Variants in SORCS1 observed in about 807,000 individuals in gnomAD.
The protein encoded by SORCS1 is VPS10 domain-containing receptor SorCS1.
A neutral mutation model predicts 146.1 loss-of-function variants in SORCS1; 60 were observed. That is an observed-to-expected ratio of 0.41 (90% CI 0.33 to 0.51). The LOEUF (loss-of-function observed/expected upper bound fraction) is 0.51. SORCS1 is among the 20% of genes least tolerant of loss of function. The pLI, the probability that SORCS1 is intolerant of heterozygous loss-of-function variation, is 0.21. For missense variants in SORCS1, 1,352 were observed against 1,487.6 expected (o/e 0.91, Z 1.50); for synonymous variants, 637 against 584.0 (o/e 1.09, Z -1.31).
intron 1 of SORCS1, among the ~76,000 whole-genome samples, chr10:107,093,806 T>G (rs1178528823): frequency 6.6e-6 from 1 of 152,156 alleles, no homozygotes; most frequent in East Asian, 1.9e-4. Flanking sequence ...TCTTCCACCA[T>G]GATCTCTCTG....
intron 1 of SORCS1, among the ~76,000 whole-genome samples, chr10:107,002,408 C>T (rs1305262817): frequency 6.6e-6 from 1 of 152,146 alleles, no homozygotes; most frequent in African/African-American, 2.4e-5. Context: ...AAAGCTCCTA[C>T]CTGAGACTAA....
chr10:107,016,063 T>A (rs928490816), intron 1 of SORCS1, among the ~76,000 whole-genome samples: 2 of 152,198 alleles, frequency 1.3e-5, no homozygotes, highest in African/African-American at 4.8e-5. Flanking sequence ...GGTTTAAGAA[T>A]GTCATAAATA....
chr10:106,992,007 CTT>C (rs751414959), intron 1 of SORCS1, among the ~76,000 whole-genome samples: 1 of 152,042 alleles, frequency 6.6e-6, no homozygotes, highest in Non-Finnish European at 1.5e-5. Context: ...TGCAATTAAA[CTT>C]TGCATGTTAT....
intron 1 of SORCS1, among the ~76,000 whole-genome samples, chr10:107,008,407 T>C (rs762415720): frequency 6.6e-6 from 1 of 152,208 alleles, no homozygotes; most frequent in Non-Finnish European, 1.5e-5. Context: ...GTAAATGTTA[T>C]TTAAAAGAGC....
chr10:107,042,902 G>A (rs753292104), intron 1 of SORCS1, among the ~76,000 whole-genome samples: 1 of 152,084 alleles, frequency 6.6e-6, no homozygotes, highest in African/African-American at 2.4e-5. Flanking sequence ...GAGCCTTGCC[G>A]GAAGTGAACT....
intron 2 of SORCS1, among the ~76,000 whole-genome samples, chr10:106,841,863 CA>C (rs1414429996): frequency 6.6e-6 from 1 of 152,138 alleles, no homozygotes; most frequent in Admixed American, 6.6e-5. Flanking sequence ...CAAGTTTCGA[CA>C]ATTATAAATA....
At chr10:107,151,338 G>A (rs961512274) in intron 1 of SORCS1, among the ~76,000 whole-genome samples, 1 of 152,082 alleles carries the variant, frequency 6.6e-6, no homozygotes, top group South Asian at 2.1e-4. Flanking sequence ...TTGCAAACTG[G>A]AGTAAAGGTC....
At chr10:107,084,063 G>A (rs1294162379) in intron 1 of SORCS1, among the ~76,000 whole-genome samples, 1 of 150,778 alleles carries the variant, frequency 6.6e-6, no homozygotes, top group African/African-American at 2.4e-5. Context: ...CACAGTAGGG[G>A]AAAAGGTGGG....
At chr10:106,945,437 G>T (rs1228623644) in intron 2 of SORCS1, among the ~76,000 whole-genome samples, 2 of 152,092 alleles carry the variant, frequency 1.3e-5, no homozygotes, top group African/African-American at 4.8e-5. Flanking sequence ...GACATAAAAG[G>T]ACAATCCAAA....
At chr10:107,059,410 A>G (rs548837447) in intron 1 of SORCS1, among the ~76,000 whole-genome samples, 3 of 152,348 alleles carry the variant, frequency 2.0e-5, no homozygotes, top group Admixed American at 2.0e-4. Flanking sequence ...AGGACCTTGA[A>G]ACAAAAGCAA....
chr10:106,706,765 G>A, intron 7 of SORCS1, 131 bp from the exon 8 acceptor site: 1 of 777,508 alleles, frequency 1.3e-6, no homozygotes, highest in Non-Finnish European at 2.1e-6. Context: ...GCGGACAAGT[G>A]TAAAGAATTG....
chr10:106,856,947 T>TTC (rs1450682538), intron 2 of SORCS1, among the ~76,000 whole-genome samples: 1 of 152,246 alleles, frequency 6.6e-6, no homozygotes, highest in Non-Finnish European at 1.5e-5. Context: ...GAGTTGTTAA[T>TTC]TGTTCAGTTT....
At chr10:107,107,350 G>C (rs1162478654) in intron 1 of SORCS1, among the ~76,000 whole-genome samples, 3 of 152,174 alleles carry the variant, frequency 2.0e-5, no homozygotes, top group Non-Finnish European at 4.4e-5. Flanking sequence ...CAGAAATAAG[G>C]AACATATTAC....
intron 2 of SORCS1, among the ~76,000 whole-genome samples, chr10:106,925,402 C>A (rs1952963941): frequency 6.6e-6 from 1 of 152,154 alleles, no homozygotes; most frequent in African/African-American, 2.4e-5. Flanking sequence ...GCTGTCCCTG[C>A]AGCAGAAACT....
intron 4 of SORCS1, among the ~76,000 whole-genome samples, chr10:106,770,647 C>T (rs1440410806): frequency 6.6e-6 from 1 of 152,106 alleles, no homozygotes. Flanking sequence ...GTCATTGTTA[C>T]ACACATAAAA....
At chr10:106,780,669 G>A (rs924118288) in intron 3 of SORCS1, among the ~76,000 whole-genome samples, 7 of 152,268 alleles carry the variant, frequency 4.6e-5, no homozygotes, top group Non-Finnish European at 8.8e-5. Context: ...TGTTCTACTT[G>A]AGGCAAGGAA....
In SORCS1 at chr10:106,960,604, T is replaced by C. The variant is rs1955178458; in HGVS notation, c.559-4024A>G. Among the ~76,000 whole-genome samples, 1 of 152,062 alleles carries C rather than the reference T, an allele frequency of 6.6e-6. No individual in the cohort carries two copies. The highest frequency in any genetic ancestry group is 1.5e-5 in the Non-Finnish European group (1 of 68,010). ...TTTTAGTAGAGATGGGATTTCACCA[T>C]GTTGAGGAGAATGGTCTCGATCTCT... On this transcript the variant is annotated intron_variant, in intron 1 of 25. Coordinates refer to ENST00000263054, the MANE Select transcript of SORCS1 (RefSeq NM_052918.5). The surrounding 1 kb of genome is among the most constrained non-coding windows in gnomAD (Gnocchi z 4.4).
intron 24 of SORCS1, among the ~76,000 whole-genome samples, chr10:106,590,647 C>T (rs1390799514): frequency 6.6e-6 from 1 of 152,020 alleles, no homozygotes; most frequent in East Asian, 1.9e-4. Flanking sequence ...GACATCATAG[C>T]TGTTTTATGT....
chr10:106,623,646 A>G (rs993091005), intron 19 of SORCS1, among the ~76,000 whole-genome samples: 1 of 151,452 alleles, frequency 6.6e-6, no homozygotes, highest in Non-Finnish European at 1.5e-5. Context: ...TAATTCATTC[A>G]CTCAGTTTTT....
Sources: gnomAD v4.1 joint callset for allele counts (sites outside exome capture counted in the v4.1 genomes callset) on GRCh38, gnomAD v4.1.1 for gene constraint, Gnocchi (gnomAD v3.1) non-coding constraint, MANE v1.5 for transcripts, NCBI Gene and HGNC (gene_info 2026-07-23, HGNC 2026-07-21) for gene names.